The following BID variants were observed in gnomAD, a reference collection of about 807,000 sequenced individuals.
The protein encoded by BID is BH3-interacting domain death agonist.
Under a neutral mutation model 17.4 loss-of-function variants are expected in BID, and 19 were observed. That is an observed-to-expected ratio of 1.09 (90% confidence interval 0.76 to 1.60). BID has a LOEUF of 1.60. Among genes scored for constraint, BID ranks in the 40% most tolerant of loss-of-function variants. The probability of loss-of-function intolerance (pLI) is 0.00; values close to 1 mark genes in which losing one functional copy is unlikely to be tolerated. For missense variants in BID, 226 were observed against 256.0 expected, an observed-to-expected ratio of 0.88 and a Z score of 0.80; for synonymous variants, 108 against 102.8, an observed-to-expected ratio of 1.05 and a Z score of -0.31.
intron 1 of BID, among the ~76,000 whole-genome samples, chr22:17,754,630 G>A (rs1315584813): frequency 6.6e-6 from 1 of 152,250 alleles, no homozygotes; most frequent in African/African-American, 2.4e-5. Context: ...GGTGCTCCCA[G>A]AAGAAGATTT....
intron 1 of BID, among the ~76,000 whole-genome samples, chr22:17,759,655 C>T (rs2061621942): frequency 1.3e-5 from 2 of 152,098 alleles, no homozygotes; most frequent in African/African-American, 4.8e-5. Context: ...CCCAGGAGCT[C>T]AAGGCCAGCC....
intron 1 of BID, among the ~76,000 whole-genome samples, chr22:17,763,803 T>C (rs1487817619): frequency 6.8e-6 from 1 of 147,402 alleles, no homozygotes; most frequent in Non-Finnish European, 1.5e-5. Flanking sequence ...GGGGAGAGAA[T>C]GAGGTCTGTA....
At chr22:17,741,118 T>C (rs2061456111) in intron 3 of BID, 1 of 152,344 alleles carries the variant, frequency 6.6e-6, no homozygotes, top group Non-Finnish European at 1.5e-5. Context: ...GCCTACCCTC[T>C]GCCATTGCCG....
chr22:17,762,104 C>T (rs918439007), intron 1 of BID, among the ~76,000 whole-genome samples: 6 of 152,094 alleles, frequency 3.9e-5, no homozygotes, highest in African/African-American at 7.2e-5. Flanking sequence ...CTGCAACAAC[C>T]GAGAATCCAG....
chr22:17,750,983 C>A (rs192319107), intron 1 of BID, among the ~76,000 whole-genome samples: 1 of 151,770 alleles, frequency 6.6e-6, no homozygotes, highest in Non-Finnish European at 1.5e-5. Context: ...CTGCAGTGAG[C>A]GGAGATTGCA....
At chr22:17,739,586 G>A (rs1032647476) in intron 3 of BID, 98 bp from the exon 4 acceptor site, 66 of 1,470,348 alleles carry the variant, frequency 4.5e-5, no homozygotes, top group East Asian at 7.0e-5. Flanking sequence ...ACAGGTCCGC[G>A]ATGGGACAAG....
intron 1 of BID, among the ~76,000 whole-genome samples, chr22:17,762,457 C>T (rs1304845427): frequency 6.6e-6 from 1 of 152,130 alleles, no homozygotes; most frequent in Non-Finnish European, 1.5e-5. Context: ...GATCAGGCCA[C>T]TGCACTCCAG....
intron 3 of BID, chr22:17,739,712 A>T: frequency 1.6e-6 from 1 of 611,308 alleles, no homozygotes; most frequent in Non-Finnish European, 2.8e-6. Flanking sequence ...GCTGAGGCCC[A>T]GGCTCCCGCA....
chr22:17,759,241 C>CAAAACAAAACAAAA (rs1555906712), intron 1 of BID, among the ~76,000 whole-genome samples: 2,732 of 97,048 alleles, frequency 0.028, 58 homozygotes, highest in Admixed American at 0.046. Flanking sequence ...AAACAAAAAA[C>CAAAACAAAACAAAA]AAAACAAAAA....
At chr22:17,750,578 C>T (rs1451225721) in intron 1 of BID, among the ~76,000 whole-genome samples, 2 of 152,214 alleles carry the variant, frequency 1.3e-5, no homozygotes, top group African/African-American at 4.8e-5. Flanking sequence ...CCTGTAATCC[C>T]AGCACTTTGG....
intron 1 of BID, among the ~76,000 whole-genome samples, chr22:17,762,160 G>GACGC (rs1260600725): frequency 2.0e-5 from 3 of 152,036 alleles, no homozygotes; most frequent in Admixed American, 2.0e-4. Flanking sequence ...CAGAAACACT[G>GACGC]ACGCAATGCT....
At chr22:17,764,701 C>T (rs1241005634) in intron 1 of BID, among the ~76,000 whole-genome samples, 1 of 152,080 alleles carries the variant, frequency 6.6e-6, no homozygotes, top group African/African-American at 2.4e-5. Context: ...GTACAGATAC[C>T]ACAAAGGGGT....
intron 1 of BID, among the ~76,000 whole-genome samples, chr22:17,770,287 TG>T (rs995998155): frequency 3.9e-5 from 6 of 152,212 alleles, no homozygotes; most frequent in African/African-American, 1.4e-4. Flanking sequence ...GCTTTGAACC[TG>T]CAATGTGATC....
rs529956504 is a variant in BID at position 17,773,851 on chromosome 22, G to A, written c.-59+530C>T. On this transcript the variant is annotated intron_variant, in intron 1 of 5. Coordinates refer to ENST00000622694, the MANE Select transcript of BID (RefSeq NM_001196.4). The surrounding 1 kb of genome is among the most constrained non-coding windows in gnomAD (Gnocchi z 4.4). Reference sequence around the variant, plus strand: ...CATCATTGCCAGTGCTCTAAGGAGCGGGCGAGCCCCAGTAAGCGGCCGCTC... The same window carrying A: ...CATCATTGCCAGTGCTCTAAGGAGCAGGCGAGCCCCAGTAAGCGGCCGCTC... 2 of 732,718 alleles carry A rather than the reference G, an allele frequency of 2.7e-6. No homozygotes were observed. The highest frequency in any genetic ancestry group is 1.8e-5 in the South Asian group (1 of 55,792). The allele number at this position is 732,718 out of a possible 1,614,324, so 45.4% of individuals were successfully genotyped here.
chr22:17,740,481 G>A (rs2061451689), intron 3 of BID: 1 of 290,258 alleles, frequency 3.4e-6, no homozygotes, highest in African/African-American at 2.2e-5. Context: ...CCAGGCTGGA[G>A]TGCAGTGGCG....
At chr22:17,763,223 G>C (rs1048653198) in intron 1 of BID, among the ~76,000 whole-genome samples, 73 of 149,840 alleles carry the variant, frequency 4.9e-4, no homozygotes, top group African/African-American at 1.7e-3. Flanking sequence ...ATAGCTGTTT[G>C]TCTCCATCAT....
intron 1 of BID, among the ~76,000 whole-genome samples, chr22:17,756,468 TTTCTTTCTTTTC>T (rs1255134378): frequency 0.041 from 4,399 of 106,230 alleles, 77 homozygotes; most frequent in Middle Eastern, 0.053. Flanking sequence ...TCTTTCTTTC[TTTCTTTCTTTTC>T]TTTCTTTCTT....
chr22:17,773,231 T>C lies in BID; in HGVS notation c.-59+1150A>G, dbSNP rs2061733769. ...TCCCGGCAGTGCCTCCCTGGAGCTC[T>C]GTCTACCTCAACTCCTGATGCCAGA... On this transcript the variant is annotated intron_variant, in intron 1 of 5. Transcript: ENST00000622694. This position sits in a 1 kb window ranked among gnomAD's most constrained non-coding sequence, Gnocchi z 4.4. 1.3e-5 allele frequency among the ~76,000 whole-genome samples: 2 copies of C among 152,118 alleles called. No homozygotes were observed. Among genetic ancestry groups the C allele is most frequent in the South Asian group, 4.1e-4 (2 of 4,832 alleles).
chr22:17,750,708 G>T (rs556784187), intron 1 of BID, among the ~76,000 whole-genome samples: 1 of 151,784 alleles, frequency 6.6e-6, no homozygotes, highest in African/African-American at 2.4e-5. Flanking sequence ...GGCGCCTGTA[G>T]TCCCAGCTAC....
Sources: gnomAD v4.1 joint callset for allele counts (sites outside exome capture counted in the v4.1 genomes callset) on GRCh38, gnomAD v4.1.1 for gene constraint, Gnocchi (gnomAD v3.1) non-coding constraint, MANE v1.5 for transcripts, NCBI Gene and HGNC (gene_info 2026-07-23, HGNC 2026-07-21) for gene names.